The following CNOT8 variants were observed in gnomAD, a reference collection of about 807,000 sequenced individuals.
The protein encoded by CNOT8 is CCR4-NOT transcription complex subunit 8.
In CNOT8, 18 loss-of-function variants were observed where a neutral mutation model predicts 34.6. The ratio of observed to expected loss-of-function variants is 0.52; its 90% CI spans 0.36 to 0.77. The LOEUF is 0.77. Ranked by LOEUF, CNOT8 falls within the 30% of genes least tolerant of loss-of-function variation. CNOT8 has a pLI of 0.00. For missense variants in CNOT8, 189 were observed against 347.9 expected (o/e 0.54, Z 3.63); for synonymous variants, 101 against 118.8 (o/e 0.85, Z 0.98).
chr5:154,861,412 T>C (rs1262966243), intron 1 of CNOT8, among the ~76,000 whole-genome samples: 2 of 152,208 alleles, frequency 1.3e-5, no homozygotes, highest in Non-Finnish European at 2.9e-5. Flanking sequence ...CTTGAATAAA[T>C]GGAATCTTCA....
intron 3 of CNOT8, among the ~76,000 whole-genome samples, chr5:154,867,275 G>T (rs969622284): frequency 3.9e-5 from 6 of 152,198 alleles, no homozygotes; most frequent in African/African-American, 1.4e-4. Flanking sequence ...AGAGATGTAA[G>T]GGATGTAGGT....
chr5:154,871,996 AG>A, intron 5 of CNOT8, 122 bp downstream of exon 5: 1 of 784,630 alleles, frequency 1.3e-6, no homozygotes. Context: ...GGTGGTAGAC[AG>A]GGTATAATAT....
Position 154,863,287 on chromosome 5 carries a change from A to G in CNOT8, c.9A>G (p.Ala3=), listed in dbSNP as rs959913006. The change falls in exon 2 of 7, where the codon GCA becomes GCG. Residue 3 remains alanine, a synonymous_variant. Coordinates refer to ENST00000285896, the MANE Select transcript of CNOT8 (RefSeq NM_001301073.2). Reference sequence around the variant, plus strand: ...TCTCAGGTTTCTTCAGGATGCCTGCAGCACTTGTGGAGAATAGCCAGGTTA... The same window carrying G: ...TCTCAGGTTTCTTCAGGATGCCTGCGGCACTTGTGGAGAATAGCCAGGTTA... MP[A]ALVENSQVIC... The G allele has an allele frequency of 1.9e-6, 3 of 1,613,652 alleles. No individual in the cohort carries two copies. The highest frequency in any genetic ancestry group is 1.6e-4 in the Middle Eastern group (1 of 6,084).
intron 3 of CNOT8, among the ~76,000 whole-genome samples, chr5:154,867,246 T>C (rs1455888983): frequency 2.6e-5 from 4 of 152,220 alleles, no homozygotes. Flanking sequence ...TATTGATTTG[T>C]AAAGATGGTC....
intron 6 of CNOT8, among the ~76,000 whole-genome samples, chr5:154,874,158 A>AGGGAGCAGTTGTGTTAAAC: frequency 6.6e-6 from 1 of 152,326 alleles, no homozygotes. Flanking sequence ...GTTAAAGAGA[A>AGGGAGCAGTTGTGTTAAAC]GGGAGCAGTT....
intron 3 of CNOT8, 131 bp from the exon 4 acceptor site, chr5:154,870,530 G>A: frequency 3.2e-6 from 2 of 625,156 alleles, no homozygotes; most frequent in East Asian, 5.8e-5. Flanking sequence ...TGGAAAGAGT[G>A]AATTGATCTA....
intron 3 of CNOT8, among the ~76,000 whole-genome samples, chr5:154,869,626 G>GTT (rs34726467): frequency 6.4e-5 from 8 of 124,350 alleles, no homozygotes; most frequent in Non-Finnish European, 1.0e-4. Context: ...GTTTTTTTGT[G>GTT]TTTTTTTTTT....
At chr5:154,869,560 T>G (rs1285597787) in intron 3 of CNOT8, among the ~76,000 whole-genome samples, 1 of 150,988 alleles carries the variant, frequency 6.6e-6, no homozygotes, top group African/African-American at 2.4e-5. Context: ...TTCTCATGCC[T>G]CAACTTCCTG....
chr5:154,862,331 G>C (rs889963761), intron 1 of CNOT8, among the ~76,000 whole-genome samples: 1 of 152,096 alleles, frequency 6.6e-6, no homozygotes, highest in Admixed American at 6.6e-5. Flanking sequence ...ATAGCTGGGC[G>C]TGGTGGCGTG....
In CNOT8 at chr5:154,863,035, A is replaced by C. The variant is rs530794065; in HGVS notation, c.-72-172A>C. ...GAACTGTGTGTGTGTGCGTGTGTGCATGTGTGTGTGTGTGTTGACAAAGTT... is the reference window on the plus strand; with the variant it reads ...GAACTGTGTGTGTGTGCGTGTGTGCCTGTGTGTGTGTGTGTTGACAAAGTT... On this transcript the variant is annotated intron_variant, in intron 1 of 6. Coordinates refer to ENST00000285896, the MANE Select transcript of CNOT8 (RefSeq NM_001301073.2). Among the ~76,000 whole-genome samples the C allele has an allele frequency of 1.0e-3, 153 of 151,524 alleles. 1 individual carries two copies. Among genetic ancestry groups the C allele is most frequent in the Non-Finnish European group, 1.8e-3 (121 of 67,780 alleles).
At chr5:154,869,124 A>G (rs931541160) in intron 3 of CNOT8, among the ~76,000 whole-genome samples, 1 of 143,984 alleles carries the variant, frequency 6.9e-6, no homozygotes, top group Non-Finnish European at 1.5e-5. Context: ...TTGTTGGTTT[A>G]TTTTTTTTTT....
chr5:154,866,234 T>C (rs1009870803), intron 3 of CNOT8, among the ~76,000 whole-genome samples: 1 of 152,186 alleles, frequency 6.6e-6, no homozygotes, highest in Non-Finnish European at 1.5e-5. Context: ...CTAACATGGC[T>C]TACTGCAGCC....
intron 6 of CNOT8, among the ~76,000 whole-genome samples, chr5:154,873,166 A>G (rs1762637695): frequency 6.6e-6 from 1 of 152,242 alleles, no homozygotes. Flanking sequence ...TTGGTCTCCC[A>G]AAGTGCTGGG....
chr5:154,861,695 T>TTTTG (rs746842135), intron 1 of CNOT8, among the ~76,000 whole-genome samples: 10 of 152,304 alleles, frequency 6.6e-5, no homozygotes, highest in African/African-American at 1.7e-4. Context: ...ATAAGCTCTT[T>TTTTG]TTTGTTTGTT....
upstream of CNOT8, chr5:154,858,503 T>G (rs952241909): frequency 6.6e-6 from 1 of 151,874 alleles, no homozygotes; most frequent in African/African-American, 2.4e-5. Flanking sequence ...CGCGCGCGCG[T>G]CTGGAGTGAC....
intron 2 of CNOT8, 59 bp from the exon 3 acceptor site, chr5:154,865,133 C>A: frequency 7.7e-7 from 1 of 1,297,896 alleles, no homozygotes; most frequent in Non-Finnish European, 1.0e-6. Context: ...TTATGAATTA[C>A]CAATTCAGCA....
At chr5:154,865,942 C>T (rs1761824367) in intron 3 of CNOT8, among the ~76,000 whole-genome samples, 1 of 152,132 alleles carries the variant, frequency 6.6e-6, no homozygotes, top group African/African-American at 2.4e-5. Flanking sequence ...TGGGTTTTTT[C>T]TACCTCTTGA....
chr5:154,859,861 GT>G (rs1318914910), intron 1 of CNOT8: 1 of 152,254 alleles, frequency 6.6e-6, no homozygotes, highest in Non-Finnish European at 1.5e-5. Flanking sequence ...AGGGACTTCA[GT>G]AATTCATAGG....
At chr5:154,872,516 A>G (rs746353176) in intron 5 of CNOT8, 25 bp from the exon 6 acceptor site, 18 of 1,505,166 alleles carry the variant, frequency 1.2e-5, no homozygotes, top group Admixed American at 1.1e-4. Context: ...TTGTAATATT[A>G]TCTTTGTTCT....
Sources: allele counts gnomAD v4.1 joint callset (sites outside exome capture counted in the v4.1 genomes callset), GRCh38; gene constraint gnomAD v4.1.1; transcripts MANE v1.5; gene names NCBI Gene and HGNC (gene_info 2026-07-23, HGNC 2026-07-21).